The following MAP1LC3B2 variants were observed in gnomAD, a reference collection of about 807,000 sequenced individuals.
The protein encoded by MAP1LC3B2 is microtubule-associated protein 1 light chain 3 beta 2.
For missense variants in MAP1LC3B2, 155 were observed against 154.6 expected, an observed-to-expected ratio of 1.00 and a Z score of -0.01; for synonymous variants, 62 against 57.8, an observed-to-expected ratio of 1.07 and a Z score of -0.33.
chr12:116,564,393 A>ATT (rs11431871), intron 1 of MAP1LC3B2, among the ~76,000 whole-genome samples: 40 of 144,494 alleles, frequency 2.8e-4, no homozygotes, highest in African/African-American at 8.5e-4. Flanking sequence ...GACCAGCTTG[A>ATT]TTTTTTTTTT....
intron 1 of MAP1LC3B2, among the ~76,000 whole-genome samples, chr12:116,562,707 T>C (rs941446529): frequency 6.6e-6 from 1 of 152,202 alleles, no homozygotes; most frequent in Non-Finnish European, 1.5e-5. Flanking sequence ...AACTGACAGA[T>C]GTTGGCATTT....
chr12:116,571,089 A>G (rs567983160), intron 1 of MAP1LC3B2, among the ~76,000 whole-genome samples: 34 of 152,350 alleles, frequency 2.2e-4, no homozygotes, highest in African/African-American at 7.0e-4. Flanking sequence ...CAAACGGCTT[A>G]AAGCTGCAAT....
chr12:116,575,132 A>G (rs550990563), intron 1 of MAP1LC3B2, among the ~76,000 whole-genome samples: 59 of 150,690 alleles, frequency 3.9e-4, no homozygotes, highest in Non-Finnish European at 7.2e-4. Context: ...GTGAGCCAAG[A>G]TGGTGCCATT....
chr12:116,560,226 ATATATATATATATATG>A lies in MAP1LC3B2; in HGVS notation c.-102+797_-102+812del, dbSNP rs1223642376. The A allele has an allele frequency of 2.5e-3, 256 of 101,064 alleles. 2 individuals are homozygous for A. The highest frequency in any genetic ancestry group is 3.3e-3 in the Non-Finnish European group (173 of 52,176). 6.3% of individuals were successfully genotyped at this position (101,064 alleles called of 1,614,324 possible). ...TATATATATATATATATATATATAT[ATATATATATATATATG>A]TATGTATATGTATATATATATATTT... On this transcript the variant is annotated intron_variant, in intron 1 of 1. Transcript: ENST00000556529.
chr12:116,573,666 G>C, intron 1 of MAP1LC3B2, among the ~76,000 whole-genome samples: 1 of 151,970 alleles, frequency 6.6e-6, no homozygotes, highest in South Asian at 2.1e-4. Flanking sequence ...ACAGGTGTGC[G>C]CCACCACACC....
intron 1 of MAP1LC3B2, 38 bp from the exon 2 acceptor site, chr12:116,575,804 C>T: frequency 1.1e-6 from 1 of 920,724 alleles, no homozygotes; most frequent in Non-Finnish European, 1.6e-6. Context: ...CAGTTTCTGC[C>T]ACAACTACTC....
chr12:116,573,019 G>A (rs571907663), intron 1 of MAP1LC3B2, among the ~76,000 whole-genome samples: 63 of 152,222 alleles, frequency 4.1e-4, no homozygotes, highest in African/African-American at 1.5e-3. Context: ...CTGCCTCCTG[G>A]GTTCAAGCGA....
At chr12:116,569,035 A>AT (rs574469279) in intron 1 of MAP1LC3B2, among the ~76,000 whole-genome samples, 139 of 150,912 alleles carry the variant, frequency 9.2e-4, no homozygotes, top group Non-Finnish European at 1.6e-3. Context: ...AACTTTTTGT[A>AT]TTTTTTTTAG....
chr12:116,569,129 T>G (rs1333832019), intron 1 of MAP1LC3B2, among the ~76,000 whole-genome samples: 1 of 152,170 alleles, frequency 6.6e-6, no homozygotes, highest in Admixed American at 6.5e-5. Context: ...CCCAAAGTAC[T>G]GGGATTACAG....
Position 116,576,114 on chromosome 12 carries a change from G to A in MAP1LC3B2, c.172G>A (p.Val58Ile), listed in dbSNP as rs1156288829. ...DKTKFLVPDH[V>I]NMSELIKIIR... is the part of the protein sequence containing the mutation. ...AACAAAGTTCCTTGTACCTGACCAT[G>A]TCAACATGAGTGAGCTCATCAAGAT... Residue 58 changes from valine (V) to isoleucine (I), a missense_variant, in exon 2 of 2, where the codon GTC (valine) becomes ATC (isoleucine). By Grantham distance (29) the Val-to-Ile change is conservative. Coordinates refer to ENST00000556529, the MANE Select transcript of MAP1LC3B2 (RefSeq NM_001085481.3). 6.2e-6 allele frequency: 10 copies of A among 1,614,078 alleles called. No individual in the cohort carries two copies. In the African/African-American group the frequency reaches 8.0e-5, roughly 13 times the overall value.
intron 1 of MAP1LC3B2, among the ~76,000 whole-genome samples, chr12:116,573,676 C>T (rs1050568689): frequency 2.0e-5 from 3 of 152,092 alleles, no homozygotes; most frequent in African/African-American, 7.2e-5. Context: ...GCCACCACAC[C>T]TGGCTAATTT....
At chr12:116,575,230 AT>A (rs1363016767) in intron 1 of MAP1LC3B2, among the ~76,000 whole-genome samples, 1 of 152,080 alleles carries the variant, frequency 6.6e-6, no homozygotes, top group Non-Finnish European at 1.5e-5. Context: ...TATTAAAAAA[AT>A]AAAGAAGAAA....
At chr12:116,561,008 T>C (rs1869260093) in intron 1 of MAP1LC3B2, among the ~76,000 whole-genome samples, 1 of 152,034 alleles carries the variant, frequency 6.6e-6, no homozygotes, top group African/African-American at 2.4e-5. Flanking sequence ...TCCCCGCTAC[T>C]TGGGAGGCTG....
At chr12:116,575,747 A>G (rs1361498986) in intron 1 of MAP1LC3B2, 95 bp from the exon 2 acceptor site, 10 of 650,004 alleles carry the variant, frequency 1.5e-5, no homozygotes, top group Non-Finnish European at 2.6e-5. Context: ...TGTTTTCTGT[A>G]AAAGAACAGA....
chr12:116,570,895 A>G (rs1311889550), intron 1 of MAP1LC3B2, among the ~76,000 whole-genome samples: 1 of 152,232 alleles, frequency 6.6e-6, no homozygotes, highest in Non-Finnish European at 1.5e-5. Context: ...GCAACTGATC[A>G]CTTGGGAAAA....
chr12:116,573,145 A>G (rs1869582681), intron 1 of MAP1LC3B2, among the ~76,000 whole-genome samples: 1 of 152,198 alleles, frequency 6.6e-6, no homozygotes, highest in African/African-American at 2.4e-5. Context: ...GCTGTTCTCA[A>G]ACTTCTGATC....
chr12:116,572,523 C>A (rs902738274), intron 1 of MAP1LC3B2, among the ~76,000 whole-genome samples: 17 of 152,184 alleles, frequency 1.1e-4, no homozygotes, highest in African/African-American at 4.1e-4. Flanking sequence ...CGCCACTACA[C>A]CCGGCTAATT....
At chr12:116,566,246 T>C (rs1233075452) in intron 1 of MAP1LC3B2, among the ~76,000 whole-genome samples, 1 of 152,196 alleles carries the variant, frequency 6.6e-6, no homozygotes, top group Non-Finnish European at 1.5e-5. Context: ...TTTCTTCTTT[T>C]CCCACTACTC....
chr12:116,568,821 T>A (rs2136961735), intron 1 of MAP1LC3B2, among the ~76,000 whole-genome samples: 1 of 152,092 alleles, frequency 6.6e-6, no homozygotes, highest in East Asian at 1.9e-4. Context: ...ACCCTGATAT[T>A]GGACTTCCCA....
Sources: allele counts gnomAD v4.1 joint callset (sites outside exome capture counted in the v4.1 genomes callset), GRCh38; gene constraint gnomAD v4.1.1; transcripts MANE v1.5; gene names NCBI Gene and HGNC (gene_info 2026-07-23, HGNC 2026-07-21).